The following FCGR2A variants were observed in gnomAD, a reference collection of about 807,000 sequenced individuals.
The protein encoded by FCGR2A is low affinity immunoglobulin gamma Fc region receptor II-a.
In FCGR2A, 18 loss-of-function variants were observed where a neutral mutation model predicts 29.3. The ratio of observed to expected loss-of-function variants is 0.62; its 90% CI spans 0.43 to 0.91. The LOEUF (loss-of-function observed/expected upper bound fraction) is 0.91. FCGR2A is among the 40% of genes least tolerant of loss of function. FCGR2A has a pLI of 0.00. For synonymous variants in FCGR2A, 126 were observed against 144.8 expected (o/e 0.87, Z 0.93); for missense variants, 287 against 393.0 (o/e 0.73, Z 2.28).
intron 1 of FCGR2A, 132 bp downstream of exon 1, chr1:161,505,684 G>T: frequency 1.2e-6 from 1 of 800,256 alleles, no homozygotes. Context: ...AGAGGACCCT[G>T]AATTCTTAAG....
chr1:161,518,802 T>C lies in FCGR2A; in HGVS notation c.*654T>C, dbSNP rs1303495833. The C allele has an allele frequency of 6.5e-6, 1 of 154,240 alleles. No homozygotes were observed. The highest frequency in any genetic ancestry group is 1.4e-5 in the Non-Finnish European group (1 of 69,750). 9.6% of individuals were successfully genotyped at this position (154,240 alleles called of 1,614,324 possible). On this transcript the variant is annotated 3_prime_UTR_variant, in exon 7 of 7. Transcript: ENST00000271450. ...TTTTGTATTTTTTATTTTTTTTTTT[T>C]AGTAGAGACAGGGTTTCGCAATGTT...
In FCGR2A at chr1:161,516,649, T is replaced by C. The variant is rs529669535; in HGVS notation, c.781-1326T>C. On this transcript the variant is annotated intron_variant, in intron 6 of 6. Transcript: ENST00000271450. Reference sequence around the variant, plus strand: ...ATTTTTGCAAAAAAGTTAACTTTGATTTTCGGTAAAAATGGAAAATAAAAA... The same window carrying C: ...ATTTTTGCAAAAAAGTTAACTTTGACTTTCGGTAAAAATGGAAAATAAAAA... Among the ~76,000 whole-genome samples the C allele has an allele frequency of 2.4e-3, 371 of 152,160 alleles. 6 individuals carry two copies. Among genetic ancestry groups the C allele is most frequent in the Non-Finnish European group, 3.9e-3 (267 of 67,972 alleles).
chr1:161,520,311 C>G (rs570238128), downstream of FCGR2A, among the ~76,000 whole-genome samples: 27 of 152,264 alleles, frequency 1.8e-4, no homozygotes, highest in South Asian at 4.6e-3. Context: ...GAAGCAGGCA[C>G]CTTCTGCACA....
chr1:161,509,150 A>G (rs561525211), intron 3 of FCGR2A, among the ~76,000 whole-genome samples: 2 of 152,336 alleles, frequency 1.3e-5, no homozygotes, highest in East Asian at 3.9e-4. Flanking sequence ...ACACAGTAAG[A>G]AGCCTCAGTT....
intron 1 of FCGR2A, 108 bp downstream of exon 1, chr1:161,505,660 G>C (rs1401549342): frequency 2.2e-6 from 2 of 907,662 alleles, no homozygotes; most frequent in African/African-American, 3.2e-5. Flanking sequence ...GCAGGGGATA[G>C]ATTGAAAGAG....
intron 2 of FCGR2A, 72 bp downstream of exon 2, chr1:161,506,079 C>T (rs145559293): frequency 1.4e-5 from 21 of 1,493,366 alleles, no homozygotes; most frequent in Admixed American, 3.3e-5. Context: ...TTTGCTGGGG[C>T]GGCGGGGGGG....
In FCGR2A at chr1:161,510,820, T is replaced by C. The variant is rs763955505; in HGVS notation, c.620-14T>C. ...AGTAACCCCCCATCCTGCCCTAATG[T>C]CTGTCTTCCCTAGTGCCCAGCATGG... On this transcript the variant is annotated splice_polypyrimidine_tract_variant and intron_variant, in intron 4 of 6. Transcript: ENST00000271450. 6.2e-7 allele frequency: 1 copy of C among 1,613,864 alleles called. No individual in the cohort carries two copies. The highest frequency in any genetic ancestry group is 1.3e-5 in the African/African-American group (1 of 74,914).
chr1:161,505,801 A>C (rs1395802440), intron 1 of FCGR2A, 186 bp from the exon 2 acceptor site: 2 of 726,580 alleles, frequency 2.8e-6, no homozygotes, highest in Non-Finnish European at 4.9e-6. Context: ...GAGGAGGAAC[A>C]GGAAATGAGA....
chr1:161,521,899 C>CT (rs1162038291), downstream of FCGR2A, among the ~76,000 whole-genome samples: 29 of 151,418 alleles, frequency 1.9e-4, no homozygotes, highest in Admixed American at 1.1e-3. Context: ...ATACAACTTG[C>CT]TTTTTTTTTG....
At chr1:161,506,275 G>A (rs111794137) in intron 2 of FCGR2A, 59 bp from the exon 3 acceptor site, 1 of 1,599,216 alleles carries the variant, frequency 6.3e-7, no homozygotes, top group African/African-American at 1.3e-5. Context: ...GAGCTCCTTT[G>A]GCATCCACAG....
intron 4 of FCGR2A, 137 bp from the exon 5 acceptor site, chr1:161,510,697 G>C: frequency 8.6e-7 from 1 of 1,160,238 alleles, no homozygotes. Flanking sequence ...GCATTGGTGA[G>C]TGACTCAGAC....
chr1:161,522,002 C>G (rs528758054), downstream of FCGR2A, among the ~76,000 whole-genome samples: 2 of 152,054 alleles, frequency 1.3e-5, no homozygotes, highest in South Asian at 4.2e-4. Context: ...GCTACTCAAA[C>G]TAAGCTACTA....
downstream of FCGR2A, chr1:161,523,648 C>A (rs1676541260): frequency 6.6e-6 from 1 of 152,182 alleles, no homozygotes. Flanking sequence ...TGCGTTCTCT[C>A]TTGGGCTGAG....
chr1:161,516,462 A>G (rs1190401506), intron 6 of FCGR2A, among the ~76,000 whole-genome samples: 2 of 152,004 alleles, frequency 1.3e-5, no homozygotes, highest in Admixed American at 6.6e-5. Flanking sequence ...CTAATCTGAG[A>G]TTTCTCAATT....
In FCGR2A at chr1:161,505,972, T is replaced by C. The variant is rs1203510411; in HGVS notation, c.86-15T>C. 1.2e-6 allele frequency: 2 copies of C among 1,613,930 alleles called. No homozygotes were observed. The highest frequency in any genetic ancestry group is 3.3e-5 in the Admixed American group (2 of 60,008). On this transcript the variant is annotated splice_polypyrimidine_tract_variant and intron_variant, in intron 1 of 6. Transcript: ENST00000271450. ...TCTCCTGCTCGACGTTGATCCACTC[T>C]CTTCTCTTTTACAGCTTCTGCAGAC...
downstream of FCGR2A, chr1:161,520,010 C>G (rs966799709): frequency 7.9e-5 from 12 of 151,732 alleles, 1 homozygote; most frequent in Non-Finnish European, 8.8e-5. Context: ...CCTTAAAGAG[C>G]CTTCCATTTT....
At chr1:161,509,752 CCT>C in intron 3 of FCGR2A, 66 bp from the exon 4 acceptor site, 2 of 1,589,210 alleles carry the variant, frequency 1.3e-6, no homozygotes, top group Non-Finnish European at 1.7e-6. Flanking sequence ...GAGTAACGTA[CCT>C]CTGAGACTGA....
chr1:161,515,212 C>G (rs1676072829), intron 6 of FCGR2A, among the ~76,000 whole-genome samples: 1 of 152,216 alleles, frequency 6.6e-6, no homozygotes, highest in Non-Finnish European at 1.5e-5. Flanking sequence ...AATAGTCTCT[C>G]TAAGTAAATC....
At chr1:161,508,015 G>A (rs1675522737) in intron 3 of FCGR2A, among the ~76,000 whole-genome samples, 2 of 150,330 alleles carry the variant, frequency 1.3e-5, no homozygotes, top group South Asian at 4.2e-4. Context: ...GAACCTGGGA[G>A]GTGGAGGTTG....
Sources: allele counts gnomAD v4.1 joint callset (sites outside exome capture counted in the v4.1 genomes callset), GRCh38; gene constraint gnomAD v4.1.1; transcripts MANE v1.5; gene names NCBI Gene and HGNC (gene_info 2026-07-23, HGNC 2026-07-21).